Variants in HEATR1 observed in about 807,000 individuals in gnomAD.
HEATR1 encodes HEAT repeat-containing protein 1.
In HEATR1, 77 loss-of-function variants were observed where a neutral mutation model predicts 248.2. The ratio of observed to expected loss-of-function variants is 0.31; its 90% confidence interval spans 0.26 to 0.37. HEATR1 has a LOEUF of 0.37. Among genes scored for constraint, HEATR1 ranks in the 10% least tolerant of loss-of-function variants. The probability of loss-of-function intolerance (pLI) is 1.00; values close to 1 mark genes in which losing one functional copy is unlikely to be tolerated. For missense variants in HEATR1, 2,420 were observed against 2,504.9 expected (o/e 0.97, Z 0.72); for synonymous variants, 897 against 923.1 (o/e 0.97, Z 0.51).
Position 236,603,396 on chromosome 1 carries a change from A to G in HEATR1, c.143-20T>C. The G allele has an allele frequency of 6.3e-7, 1 of 1,598,918 alleles. No individual in the cohort carries two copies. Among genetic ancestry groups the G allele is most frequent in the Non-Finnish European group, 8.6e-7 (1 of 1,168,532 alleles). On this transcript the variant is annotated intron_variant, in intron 2 of 44. Transcript: ENST00000366582. ...TACATCCTAAATTTCAAAAAAGGCC[A>G]GTTTATTTAACAATTCTTCGTAAGC...
chr1:236,567,579 C>T (rs981990112), intron 29 of HEATR1, among the ~76,000 whole-genome samples: 3 of 152,126 alleles, frequency 2.0e-5, no homozygotes, highest in African/African-American at 4.8e-5. Context: ...CGTGGTGGTG[C>T]GTGCCTGTAG....
At chr1:236,564,456 A>C (rs1358816631) in intron 32 of HEATR1, 42 bp downstream of exon 32, 6 of 1,576,828 alleles carry the variant, frequency 3.8e-6, no homozygotes, top group Non-Finnish European at 5.2e-6. Context: ...CCTTGGAGAC[A>C]GCAGAATACC....
intron 20 of HEATR1, 83 bp from the exon 21 acceptor site, chr1:236,577,032 GA>G: frequency 9.5e-7 from 1 of 1,056,666 alleles, no homozygotes; most frequent in Non-Finnish European, 1.3e-6. Context: ...AAAGGTACTT[GA>G]TAAAAAGTTT....
intron 35 of HEATR1, 127 bp downstream of exon 35, chr1:236,558,868 G>T: frequency 2.4e-6 from 2 of 821,072 alleles, no homozygotes; most frequent in South Asian, 2.0e-5. Context: ...ACATGTCATG[G>T]TATTATATTC....
chr1:236,590,551 A>C (rs1005353531), intron 12 of HEATR1, among the ~76,000 whole-genome samples: 1 of 152,214 alleles, frequency 6.6e-6, no homozygotes. Flanking sequence ...AAAACTAAAA[A>C]AATTCTCAGA....
intron 19 of HEATR1, 25 bp downstream of exon 19, chr1:236,582,711 C>G (rs75273134): frequency 1.2e-6 from 2 of 1,612,414 alleles, no homozygotes; most frequent in South Asian, 2.2e-5. Flanking sequence ...GGGTAGAGTA[C>G]GCCTGAAAAG....
intron 5 of HEATR1, among the ~76,000 whole-genome samples, chr1:236,597,559 T>A (rs1664210480): frequency 6.6e-6 from 1 of 152,190 alleles, no homozygotes; most frequent in African/African-American, 2.4e-5. Flanking sequence ...GGCCTTAAAA[T>A]TTTTTAAACA....
intron 43 of HEATR1, chr1:236,552,455 C>T (rs375165381): frequency 1.2e-4 from 19 of 163,968 alleles, no homozygotes; most frequent in Non-Finnish European, 2.6e-5. Context: ...CATTGGCGCT[C>T]GCCAGCCCGC....
At chr1:236,593,470 TC>T (rs758566930) in intron 9 of HEATR1, among the ~76,000 whole-genome samples, 25 of 150,214 alleles carry the variant, frequency 1.7e-4, no homozygotes, top group Non-Finnish European at 2.7e-4. Context: ...CAAAGCTACA[TC>T]CAGACTAACC....
intron 29 of HEATR1, among the ~76,000 whole-genome samples, chr1:236,568,469 C>T (rs1663331777): frequency 6.6e-6 from 1 of 152,166 alleles, no homozygotes; most frequent in South Asian, 2.1e-4. Flanking sequence ...AGCTCTTTTA[C>T]TCTTGAGGCT....
At chr1:236,589,674 C>T (rs543337871) in intron 12 of HEATR1, among the ~76,000 whole-genome samples, 11 of 152,248 alleles carry the variant, frequency 7.2e-5, no homozygotes, top group South Asian at 2.1e-4. Flanking sequence ...TTCTAGAGTT[C>T]GGCACGTTTA....
rs757984476 is a variant in HEATR1 at position 236,556,079 on chromosome 1, T to C, written c.5514+21A>G. The C allele has an allele frequency of 5.0e-6, 8 of 1,614,092 alleles. No individual in the cohort carries two copies. The South Asian group carries it at 8.8e-5, about 18-fold the overall frequency. On this transcript the variant is annotated intron_variant, in intron 38 of 44. Transcript: ENST00000366582. ...ACCACCTCTCCCTTCTCCAAAGTCT[T>C]AATACCCAATAAGATCTAACCTTCC...
intron 14 of HEATR1, among the ~76,000 whole-genome samples, chr1:236,586,710 T>G (rs1663894419): frequency 6.6e-6 from 1 of 151,994 alleles, no homozygotes; most frequent in East Asian, 1.9e-4. Flanking sequence ...AACAATACTT[T>G]TAATCTGCTC....
chr1:236,566,316 TCAAAAC>T (rs1348865916), intron 30 of HEATR1, among the ~76,000 whole-genome samples: 4 of 152,142 alleles, frequency 2.6e-5, no homozygotes, highest in African/African-American at 9.7e-5. Flanking sequence ...CAAACTGCCT[TCAAAAC>T]CGCTTTGAAG....
In HEATR1 at chr1:236,604,053, G is replaced by A; in HGVS notation, c.43C>T (p.Gln15Ter). 6.3e-7 allele frequency: 1 copy of A among 1,583,542 alleles called. No homozygotes were observed. The highest frequency in any genetic ancestry group is 8.6e-7 in the Non-Finnish European group (1 of 1,169,468). Reference sequence around the variant, plus strand: ...CTAGATAAGAGGCTGGCATCACTTTGAGGGAGGGCGAGTCGTTGCAGCTGC... The same window carrying A: ...CTAGATAAGAGGCTGGCATCACTTTAAGGGAGGGCGAGTCGTTGCAGCTGC... Reference protein sequence around the residue: ...AQQLQRLALPQSDASLLSRDE... With the variant: ...AQQLQRLALP The change falls in exon 2 of 45, where the codon CAA becomes TAA. Residue 15 changes from glutamine to a stop codon, truncating the protein, a stop_gained. Coordinates refer to ENST00000366582, the MANE Select transcript of HEATR1 (RefSeq NM_018072.6). LOFTEE classifies it high-confidence loss of function.
At chr1:236,575,747 A>G (rs1663547765) in intron 22 of HEATR1, among the ~76,000 whole-genome samples, 1 of 152,234 alleles carries the variant, frequency 6.6e-6, no homozygotes, top group Non-Finnish European at 1.5e-5. Context: ...TCACATCAAC[A>G]AGTGTTTCAC....
At chr1:236,592,970 G>C (rs369908402) in intron 9 of HEATR1, among the ~76,000 whole-genome samples, 2 of 152,216 alleles carry the variant, frequency 1.3e-5, no homozygotes, top group African/African-American at 2.4e-5. Flanking sequence ...CAAGGTGGGC[G>C]GATCACCTGA....
In HEATR1 at chr1:236,576,964, AAAAAAAATTTAAG is replaced by A. The variant is rs757415138; in HGVS notation, c.2756-28_2756-16del. ...AGATGTCACCACTAAAATCAAAGGA[AAAAAAAATTTAAG>A]AAACAATTTTAAAAACTGAAACAGT... On this transcript the variant is annotated splice_polypyrimidine_tract_variant and intron_variant, in intron 20 of 44. Transcript: ENST00000366582. The A allele has an allele frequency of 1.3e-6, 2 of 1,545,748 alleles. No homozygotes were observed. The highest frequency in any genetic ancestry group is 2.8e-5 in the African/African-American group (2 of 71,828).
intron 2 of HEATR1, among the ~76,000 whole-genome samples, 182 bp downstream of exon 2, chr1:236,603,772 A>G (rs1529540): frequency 0.62 from 93,689 of 151,512 alleles, 30,777 homozygotes; most frequent in East Asian, 0.74. Flanking sequence ...CTACTCATAA[A>G]CATTTCAAGC....
Sources: allele counts gnomAD v4.1 joint callset (sites outside exome capture counted in the v4.1 genomes callset), GRCh38; gene constraint gnomAD v4.1.1; transcripts MANE v1.5; gene names NCBI Gene and HGNC (gene_info 2026-07-23, HGNC 2026-07-21).